SAMD14: variants seen among roughly 807,000 people sequenced by gnomAD.
SAMD14 encodes the protein sterile alpha motif domain containing 14, also known as sterile alpha motif domain-containing protein 14.
A neutral mutation model predicts 46.2 loss-of-function variants in SAMD14; 27 were observed. The observed-to-expected ratio is 0.58, with a 90% CI of 0.43 to 0.81. SAMD14 has a LOEUF of 0.81. Ranked by LOEUF, SAMD14 falls within the 30% of genes least tolerant of loss-of-function variation. The pLI is 0.00. For missense variants in SAMD14, 559 were observed against 582.2 expected (o/e 0.96, Z 0.41); for synonymous variants, 241 against 254.3 (o/e 0.95, Z 0.50).
At chr17:50,127,549 C>T (rs949130927) in intron 1 of SAMD14, among the ~76,000 whole-genome samples, 3 of 151,728 alleles carry the variant, frequency 2.0e-5, no homozygotes, top group Non-Finnish European at 2.9e-5. Flanking sequence ...TGCAGTGAGC[C>T]GAGATCGTGC....
intron 3 of SAMD14, 110 bp from the exon 4 acceptor site, chr17:50,117,805 G>C: frequency 8.4e-7 from 1 of 1,185,452 alleles, no homozygotes; most frequent in Non-Finnish European, 1.1e-6. Flanking sequence ...CCGGGGCCTA[G>C]AGGGAGGGTT....
At chr17:50,124,169 C>G (rs2144413638) in intron 2 of SAMD14, 1 of 456,230 alleles carries the variant, frequency 2.2e-6, no homozygotes, top group South Asian at 1.5e-5. Context: ...GGCTTTCCGC[C>G]CCAGTGCATG....
rs751877592 is a variant in SAMD14, at chr17:50,118,198, G to C, written c.173C>G (p.Ala58Gly). ...CCCATCCGAGCCTTCACCATCCTCC[G>C]CGGAGCTGGCACTGTCCCGAAGCCT... The part of the protein sequence containing the change: ...RSRLRDSASS[A>G]EDGEGSDGPG... Residue 58 changes from alanine to glycine, a missense_variant, in exon 3 of 10, where the codon GCG (alanine) becomes GGG (glycine). Coordinates refer to ENST00000330175, the MANE Select transcript of SAMD14 (RefSeq NM_001257359.2). 2 of 1,610,382 alleles carry C rather than the reference G, an allele frequency of 1.2e-6. No homozygotes were observed. Among genetic ancestry groups the C allele is most frequent in the South Asian group, 2.2e-5 (2 of 90,838 alleles).
rs1365999775 is a variant in SAMD14, at chr17:50,130,147, G to C, written c.-643C>G. Among the ~76,000 whole-genome samples the C allele has an allele frequency of 2.6e-5, 4 of 152,238 alleles. No individual in the cohort carries two copies. Among genetic ancestry groups the C allele is most frequent in the Non-Finnish European group, 4.4e-5 (3 of 67,984 alleles). On this transcript the variant is annotated 5_prime_UTR_variant, in exon 1 of 10. Coordinates refer to ENST00000330175, the MANE Select transcript of SAMD14 (RefSeq NM_001257359.2). This position sits in a 1 kb window ranked among gnomAD's most constrained non-coding sequence, Gnocchi z 4.1. ...GAGTTGCAGCTACTTCTCTGCCCGC[G>C]GGAGACGCGGCGCACCGGAGTCTGC...
rs1461409098 is a variant in SAMD14 at position 50,130,006 on chromosome 17, G to C, written c.-502C>G. On this transcript the variant is annotated 5_prime_UTR_variant, in exon 1 of 10. Coordinates refer to ENST00000330175, the MANE Select transcript of SAMD14 (RefSeq NM_001257359.2). This position sits in a 1 kb window ranked among gnomAD's most constrained non-coding sequence, Gnocchi z 4.1. ...CGGGGGTCTCCGGGGAAGGGGCGTC[G>C]GGGTGGGGGGCGCGTGGCGGAGAAG... The C allele has an allele frequency of 6.6e-6, 1 of 151,870 alleles. No homozygotes were observed. Among genetic ancestry groups the C allele is most frequent in the Admixed American group, 6.6e-5 (1 of 15,266 alleles). 9.4% of individuals were successfully genotyped at this position (151,870 alleles called of 1,614,324 possible). A position where few individuals can be genotyped will look rare whatever the true frequency, so the allele number is the denominator to read the frequency against.
At position 50,112,240 on chromosome 17, in the gene SAMD14, G is replaced by A. The variant is rs910516058; in HGVS notation, c.*653C>T. On this transcript the variant is annotated 3_prime_UTR_variant, in exon 10 of 10. Transcript: ENST00000330175. Reference sequence around the variant, plus strand: ...GGACAGAGGAGGGGAGAGGGAGAAGGGGATGTTCATCCTCCCCTCTTGAGT... The same window carrying A: ...GGACAGAGGAGGGGAGAGGGAGAAGAGGATGTTCATCCTCCCCTCTTGAGT... 2.0e-5 allele frequency: 3 copies of A among 152,068 alleles called. No homozygotes were observed. The highest frequency in any genetic ancestry group is 7.3e-5 in the African/African-American group (3 of 41,362). 9.4% of individuals were successfully genotyped at this position (152,068 alleles called of 1,614,324 possible).
chr17:50,115,426 A>T lies in SAMD14; in HGVS notation c.822+138T>A. 5 of 836,144 alleles carry T rather than the reference A, an allele frequency of 6.0e-6. No homozygotes were observed. In the East Asian group the frequency reaches 1.3e-4, roughly 22 times the overall value. 51.8% of individuals were successfully genotyped at this position (836,144 alleles called of 1,614,324 possible). A position where few individuals can be genotyped will look rare whatever the true frequency, so the allele number is the denominator to read the frequency against. On this transcript the variant is annotated intron_variant, in intron 7 of 9. Coordinates refer to ENST00000330175, the MANE Select transcript of SAMD14 (RefSeq NM_001257359.2). The surrounding 1 kb of genome is among the most constrained non-coding windows in gnomAD (Gnocchi z 5.3). ...ATGAATTCAGAGAATGCATGAAGTA[A>T]CGGATCACTGCATGGCTCCATGGAT...
In SAMD14 at chr17:50,117,454, G is replaced by A. The variant is rs1433636026; in HGVS notation, c.452C>T (p.Ser151Phe). The A allele has an allele frequency of 2.2e-6, 3 of 1,374,416 alleles. No homozygotes were observed. The highest frequency in any genetic ancestry group is 9.3e-7 in the Non-Finnish European group (1 of 1,071,454). The allele number at this position is 1,374,416 out of a possible 1,614,324, so 85.1% of individuals were successfully genotyped here. Residue 151 changes from serine to phenylalanine, a missense_variant, in exon 4 of 10, where the codon TCC becomes TTC. Ser to Phe is a radical substitution (Grantham distance 155). Transcript: ENST00000330175. ...PPRSAPSSDS[S>F]PSFVRRHPRA... ...CGGGTGGCGGCGCACGAAGCTGGGG[G>A]AGCTGTCGGAGGAGGGCGCGGAGCG...
Position 50,118,190 on chromosome 17 carries a change from C to T in SAMD14, c.181G>A (p.Gly61Ser), listed in dbSNP as rs773355089. 47 of 1,606,486 alleles carry T rather than the reference C, an allele frequency of 2.9e-5. No individual in the cohort carries two copies. The highest frequency in any genetic ancestry group is 3.6e-5 in the Non-Finnish European group (42 of 1,174,684). The change falls in exon 3 of 10, where the codon GGT becomes AGT. Residue 61 changes from glycine to serine, a missense_variant. Physicochemically the swap from Gly to Ser is moderately conservative, Grantham distance 56. Coordinates refer to ENST00000330175, the MANE Select transcript of SAMD14 (RefSeq NM_001257359.2). ...CCTCCGGGCCCATCCGAGCCTTCACCATCCTCCGCGGAGCTGGCACTGTCC... is the reference window on the plus strand; with the variant it reads ...CCTCCGGGCCCATCCGAGCCTTCACTATCCTCCGCGGAGCTGGCACTGTCC... The part of the protein sequence containing the change: ...LRDSASSAED[G>S]EGSDGPGGKV...
chr17:50,121,016 T>C (rs866930286), intron 2 of SAMD14, among the ~76,000 whole-genome samples: 1 of 152,260 alleles, frequency 6.6e-6, no homozygotes, highest in African/African-American at 2.4e-5. Flanking sequence ...TCTGCTTTGT[T>C]CACTGCTCTA....
At chr17:50,117,355 C>T in intron 4 of SAMD14, 52 bp downstream of exon 4, 1 of 1,268,202 alleles carries the variant, frequency 7.9e-7, no homozygotes, top group Non-Finnish European at 9.9e-7. Flanking sequence ...ACCGGGAGGG[C>T]TGCTGCGCCC....
intron 9 of SAMD14, 69 bp from the exon 10 acceptor site, chr17:50,113,117 C>A: frequency 6.4e-7 from 1 of 1,565,160 alleles, no homozygotes; most frequent in Non-Finnish European, 8.6e-7. Flanking sequence ...CACGCCCAGG[C>A]TCCTTTTGCC....
chr17:50,116,764 T>C (rs1323418171), intron 4 of SAMD14, among the ~76,000 whole-genome samples: 1 of 152,138 alleles, frequency 6.6e-6, no homozygotes, highest in African/African-American at 2.4e-5. Flanking sequence ...ATTTCCAGGA[T>C]GTTCCTAGCC....
At chr17:50,120,332 A>G (rs1001715654) in intron 2 of SAMD14, among the ~76,000 whole-genome samples, 49 of 152,184 alleles carry the variant, frequency 3.2e-4, no homozygotes, top group African/African-American at 7.9e-4. Flanking sequence ...AGAGGAGAGG[A>G]GAGGAAAGAA....
At chr17:50,114,626 C>T in intron 7 of SAMD14, 1 of 579,494 alleles carries the variant, frequency 1.7e-6, no homozygotes, top group Admixed American at 3.3e-5. Context: ...TCAGGTGTCT[C>T]TGCTATGCGC....
rs769215925 is a variant in SAMD14 at position 50,117,624 on chromosome 17, G to C, written c.282C>G (p.Ala94=). The C allele has an allele frequency of 6.4e-7, 1 of 1,558,570 alleles. No individual in the cohort carries two copies. Among genetic ancestry groups the C allele is most frequent in the East Asian group, 2.5e-5 (1 of 40,806 alleles). Residue 94 remains alanine (A), a synonymous_variant, in exon 4 of 10, where the codon GCC becomes GCG. Transcript: ENST00000330175. The stretch of plus-strand genomic sequence containing the variant: ...GAGGATCCAGGCAGAAAGAGCCCCC[G>C]GCCGGGGACCCCGGGCCTGAGTGCA... ...SPLHSGPGSP[A]GGSFCLDPPG... is the part of the protein sequence containing the mutation.
chr17:50,117,323 C>G (rs1166360098), intron 4 of SAMD14, 84 bp downstream of exon 4: 1 of 1,232,134 alleles, frequency 8.1e-7, no homozygotes, highest in African/African-American at 1.6e-5. Context: ...CTGCCCCTTC[C>G]GCGGCTGCGG....
At chr17:50,114,384 C>A in intron 7 of SAMD14, 78 bp from the exon 8 acceptor site, 1 of 1,614,048 alleles carries the variant, frequency 6.2e-7, no homozygotes, top group Non-Finnish European at 8.5e-7. Flanking sequence ...AGCCGAAGTC[C>A]TGGACTAGGC....
intron 2 of SAMD14, among the ~76,000 whole-genome samples, chr17:50,119,289 G>A (rs780837374): frequency 1.1e-4 from 17 of 152,158 alleles, no homozygotes; most frequent in African/African-American, 3.6e-4. Flanking sequence ...GCTGCACCTC[G>A]GAATGAAGCC....
Sources: gnomAD v4.1 joint callset for allele counts (sites outside exome capture counted in the v4.1 genomes callset) on GRCh38, gnomAD v4.1.1 for gene constraint, Gnocchi (gnomAD v3.1) non-coding constraint, MANE v1.5 for transcripts, NCBI Gene and HGNC (gene_info 2026-07-23, HGNC 2026-07-21) for gene names.